The following MEST variants were observed in gnomAD, a reference collection of about 807,000 sequenced individuals.
MEST encodes mesoderm-specific transcript homolog protein.
In MEST, 18 loss-of-function variants were observed where a neutral mutation model predicts 50.9. That is an observed-to-expected ratio of 0.35 (90% CI 0.24 to 0.52). The LOEUF (loss-of-function observed/expected upper bound fraction) is 0.52. MEST is among the 20% of genes least tolerant of loss of function. MEST has a pLI of 0.94. For synonymous variants in MEST, 130 were observed against 154.1 expected (o/e 0.84, Z 1.16); for missense variants, 282 against 425.3 (o/e 0.66, Z 2.96).
chr7:130,502,574 G>A (rs1367529548), intron 9 of MEST, 70 bp from the exon 10 acceptor site: 11 of 1,147,206 alleles, frequency 9.6e-6, no homozygotes, highest in South Asian at 5.3e-5. Context: ...CTTGTGGCTC[G>A]TTATGCCCTT....
At chr7:130,498,299 C>T (rs1799145428) in intron 5 of MEST, 24 bp downstream of exon 5, 1 of 1,612,614 alleles carries the variant, frequency 6.2e-7, no homozygotes, top group Non-Finnish European at 8.5e-7. Context: ...CAGACTTCAG[C>T]TTATGATGCT....
chr7:130,496,161 G>A (rs1417833173), intron 2 of MEST: 10 of 466,654 alleles, frequency 2.1e-5, no homozygotes, highest in Non-Finnish European at 4.4e-5. Context: ...GTCATAAACC[G>A]TTTTTCATTA....
In MEST at chr7:130,499,279, G is replaced by A. The variant is rs1028977826; in HGVS notation, c.536-596G>A. Among the ~76,000 whole-genome samples the A allele has an allele frequency of 5.9e-5, 9 of 152,156 alleles. No individual in the cohort carries two copies. In the East Asian group the frequency reaches 1.2e-3, roughly 20 times the overall value. On this transcript the variant is annotated intron_variant, in intron 6 of 11. Transcript: ENST00000223215. ...TAAGAGCAGACTGGGAGAGAAATCC[G>A]TCTCTCCCTTTATCACTTATGCTCA...
intron 1 of MEST, chr7:130,494,745 C>A: frequency 1.6e-6 from 1 of 631,894 alleles, no homozygotes; most frequent in Non-Finnish European, 2.0e-6. Context: ...GACTGTTTAC[C>A]CTGAGCAGTT....
chr7:130,501,639 AAG>A (rs1421477935), intron 9 of MEST, among the ~76,000 whole-genome samples: 1 of 152,192 alleles, frequency 6.6e-6, no homozygotes, highest in East Asian at 1.9e-4. Context: ...ACGCTGGAGA[AAG>A]AGGAATCCTC....
chr7:130,503,366 G>C (rs1799348365), intron 10 of MEST, among the ~76,000 whole-genome samples: 1 of 152,224 alleles, frequency 6.6e-6, no homozygotes, highest in Admixed American at 6.5e-5. Context: ...ATTTGGTCCA[G>C]GGTGCAGGAG....
At chr7:130,494,766 A>G in intron 1 of MEST, 1 of 922,482 alleles carries the variant, frequency 1.1e-6, no homozygotes, top group Non-Finnish European at 1.3e-6. Flanking sequence ...TCTCAGCCCA[A>G]ATCCAGAAAG....
chr7:130,498,314 A>G (rs6968284), intron 5 of MEST, 39 bp downstream of exon 5: 1,612,810 of 1,612,818 alleles, frequency 1, 806,401 homozygotes, highest in Middle Eastern at 1. Context: ...GATGCTAGGA[A>G]AGTACATTGT....
Position 130,502,683 on chromosome 7 carries a change from G to T in MEST, c.789G>T (p.Arg263Ser). The T allele has an allele frequency of 6.2e-7, 1 of 1,613,948 alleles. No homozygotes were observed. The highest frequency in any genetic ancestry group is 1.7e-5 in the Admixed American group (1 of 60,020). ...QYINQRKKFR[R>S]RWVGALASVT... The stretch of plus-strand genomic sequence containing the variant: ...TCAATCAGAGGAAGAAGTTCAGAAG[G>T]CGCTGGGTGGGAGCTCTTGCCTCTG... Residue 263 changes from arginine to serine, a missense_variant, in exon 10 of 12, where the codon AGG becomes AGT. Coordinates refer to ENST00000223215, the MANE Select transcript of MEST (RefSeq NM_002402.4).
intron 10 of MEST, 84 bp downstream of exon 10, chr7:130,502,804 C>A: frequency 1.1e-6 from 1 of 936,492 alleles, no homozygotes; most frequent in Non-Finnish European, 1.6e-6. Context: ...TTAGGGTTAC[C>A]AGATTTAGCA....
At chr7:130,498,066 T>G in intron 4 of MEST, 53 bp downstream of exon 4, 1 of 1,613,888 alleles carries the variant, frequency 6.2e-7, no homozygotes, top group Non-Finnish European at 8.5e-7. Context: ...AGACGCAGAC[T>G]ATGAGGGTCA....
At position 130,504,077 on chromosome 7, in the gene MEST, T is replaced by C. The variant is rs148581037; in HGVS notation, c.890+81T>C. The C allele has an allele frequency of 1.2e-4, 137 of 1,156,874 alleles. No homozygotes were observed. In the African/African-American group the frequency reaches 1.7e-3, roughly 15 times the overall value. 71.7% of individuals were successfully genotyped at this position (1,156,874 alleles called of 1,614,324 possible). On this transcript the variant is annotated intron_variant, in intron 11 of 11. Transcript: ENST00000223215. Reference sequence around the variant, plus strand: ...AAACAGAATTGCCTGTTGAGGGCTATTGGCTCTAGCCATTGTCTTTAACCT... The same window carrying C: ...AAACAGAATTGCCTGTTGAGGGCTACTGGCTCTAGCCATTGTCTTTAACCT...
At chr7:130,492,015 C>A, upstream of MEST, 1 of 181,416 alleles carries the variant, frequency 5.5e-6, no homozygotes, top group Non-Finnish European at 1.1e-5. The surrounding 1 kb of genome is among the most constrained non-coding windows in gnomAD (Gnocchi z 7.6). Context: ...GGTAGGGGTT[C>A]TGCGGCGATG....
chr7:130,503,879 G>T (rs1799370516), intron 10 of MEST, 54 bp from the exon 11 acceptor site: 2 of 1,315,440 alleles, frequency 1.5e-6, no homozygotes, highest in African/African-American at 1.5e-5. Flanking sequence ...TTTAGGGTGG[G>T]AGTAGAACAG....
In MEST at chr7:130,497,543, C is replaced by T. The variant is rs781802787; in HGVS notation, c.261+308C>T. On this transcript the variant is annotated intron_variant, in intron 3 of 11. Transcript: ENST00000223215. The surrounding 1 kb of genome is among the most constrained non-coding windows in gnomAD (Gnocchi z 4.0). Reference sequence around the variant, plus strand: ...CTGCACTTCAGCCTAGGTGACAGAGCGAGAGTCTGTCTCAAAAAAAAATTT... The same window carrying T: ...CTGCACTTCAGCCTAGGTGACAGAGTGAGAGTCTGTCTCAAAAAAAAATTT... The T allele has an allele frequency of 1.1e-4, 27 of 255,658 alleles. No homozygotes were observed. The highest frequency in any genetic ancestry group is 1.6e-4 in the Non-Finnish European group (22 of 134,912). 15.8% of individuals were successfully genotyped at this position (255,658 alleles called of 1,614,324 possible). A position where few individuals can be genotyped will look rare whatever the true frequency, so the allele number is the denominator to read the frequency against.
chr7:130,498,308 C>A, intron 5 of MEST, 33 bp downstream of exon 5: 1 of 1,612,292 alleles, frequency 6.2e-7, no homozygotes, highest in Non-Finnish European at 8.5e-7. Context: ...GCTTATGATG[C>A]TAGGAAAGTA....
chr7:130,498,748 G>A (rs1799165817), intron 6 of MEST: 3 of 542,106 alleles, frequency 5.5e-6, no homozygotes, highest in Non-Finnish European at 9.9e-6. Context: ...ATAGTCACAT[G>A]TGCTTTTTCA....
At position 130,492,375 on chromosome 7, in the gene MEST, C is replaced by T; in HGVS notation, c.26+36C>T. On this transcript the variant is annotated intron_variant, in intron 1 of 11. Transcript: ENST00000223215. The surrounding 1 kb of genome is among the most constrained non-coding windows in gnomAD (Gnocchi z 7.6). The stretch of plus-strand genomic sequence containing the variant: ...GGTGGGAACGAGGGGGTGTGGCTGG[C>T]GGCCCTGGGACTAGGGCGCAGGCGA... 4 of 1,286,186 alleles carry T rather than the reference C, an allele frequency of 3.1e-6. No homozygotes were observed. The highest frequency in any genetic ancestry group is 2.9e-5 in the South Asian group (1 of 34,830). 79.7% of individuals were successfully genotyped at this position (1,286,186 alleles called of 1,614,324 possible).
intron 1 of MEST, among the ~76,000 whole-genome samples, chr7:130,493,649 G>C (rs1798923386): frequency 6.6e-6 from 1 of 152,182 alleles, no homozygotes; most frequent in Admixed American, 6.5e-5. Context: ...TCCCTGAGCA[G>C]CGGCGGGGAA....
Sources: allele counts gnomAD v4.1 joint callset (sites outside exome capture counted in the v4.1 genomes callset), GRCh38; gene constraint gnomAD v4.1.1; non-coding constraint Gnocchi (gnomAD v3.1); transcripts MANE v1.5; gene names NCBI Gene and HGNC (gene_info 2026-07-23, HGNC 2026-07-21).